TRABD2B: variants seen among roughly 807,000 people sequenced by gnomAD.
The protein encoded by TRABD2B is metalloprotease TIKI2.
A neutral mutation model predicts 40.1 loss-of-function variants in TRABD2B; 14 were observed. The observed-to-expected ratio is 0.35, with a 90% confidence interval of 0.23 to 0.55. The LOEUF (loss-of-function observed/expected upper bound fraction) is 0.55, where lower values mean the gene tolerates loss of function less well. TRABD2B is among the 20% of genes least tolerant of loss of function. The pLI is 0.90. For synonymous variants in TRABD2B, 263 were observed against 277.0 expected (o/e 0.95, Z 0.50); for missense variants, 541 against 648.6 (o/e 0.83, Z 1.80).
chr1:47,908,049 G>A (rs1644702199), intron 2 of TRABD2B, among the ~76,000 whole-genome samples: 1 of 152,228 alleles, frequency 6.6e-6, no homozygotes, highest in Non-Finnish European at 1.5e-5. Context: ...GTGGAAACCT[G>A]GAAATGACCT....
intron 2 of TRABD2B, among the ~76,000 whole-genome samples, chr1:47,873,875 T>C (rs901129345): frequency 6.6e-6 from 1 of 152,190 alleles, no homozygotes; most frequent in South Asian, 2.1e-4. Flanking sequence ...AAGTAGGTGT[T>C]TGCTTTTTTT....
At chr1:47,967,109 C>A (rs1353715965) in intron 2 of TRABD2B, among the ~76,000 whole-genome samples, 4 of 151,958 alleles carry the variant, frequency 2.6e-5, no homozygotes, top group Admixed American at 2.6e-4. Context: ...GCACACAGCT[C>A]CTTGACAGGA....
At chr1:47,924,061 C>G (rs1432838285) in intron 2 of TRABD2B, among the ~76,000 whole-genome samples, 17 of 152,034 alleles carry the variant, frequency 1.1e-4, no homozygotes, top group Admixed American at 1.1e-3. Context: ...ATTCAGCCTT[C>G]AGTATCACTC....
intron 2 of TRABD2B, among the ~76,000 whole-genome samples, chr1:47,903,602 A>T (rs1644633819): frequency 1.3e-5 from 2 of 151,936 alleles, no homozygotes; most frequent in African/African-American, 4.8e-5. Context: ...AAGGCTTGAG[A>T]CCCTGAGAAA....
At chr1:47,787,305 G>A (rs987388593) in intron 4 of TRABD2B, among the ~76,000 whole-genome samples, 4 of 152,116 alleles carry the variant, frequency 2.6e-5, no homozygotes, top group African/African-American at 9.7e-5. Flanking sequence ...GTGTGGAAAC[G>A]CTGAATGTTG....
chr1:47,766,997 G>A (rs1016745407), intron 6 of TRABD2B, among the ~76,000 whole-genome samples: 3 of 152,168 alleles, frequency 2.0e-5, no homozygotes, highest in Admixed American at 6.5e-5. Context: ...TGGAGGCGGG[G>A]GCAGGGGGTA....
intron 2 of TRABD2B, among the ~76,000 whole-genome samples, chr1:47,993,583 C>T (rs1031329434): frequency 6.6e-6 from 1 of 152,086 alleles, no homozygotes; most frequent in South Asian, 2.1e-4. Context: ...CCAGGCAACT[C>T]CTTGTTGGCT....
intron 2 of TRABD2B, among the ~76,000 whole-genome samples, chr1:47,878,527 C>T (rs1245558847): frequency 3.3e-5 from 5 of 152,168 alleles, no homozygotes; most frequent in Admixed American, 6.5e-5. Flanking sequence ...AAGTCTCAGA[C>T]GTCTACGCAT....
chr1:47,942,858 A>T (rs1016159860), intron 2 of TRABD2B, among the ~76,000 whole-genome samples: 3 of 152,306 alleles, frequency 2.0e-5, no homozygotes, highest in Admixed American at 1.3e-4. Flanking sequence ...CTGGGATTTG[A>T]ATGAGGCTGG....
chr1:47,769,684 G>A (rs966128164), intron 6 of TRABD2B, among the ~76,000 whole-genome samples: 8 of 152,252 alleles, frequency 5.3e-5, no homozygotes, highest in African/African-American at 1.9e-4. Flanking sequence ...CACTGCAAGT[G>A]TTCCCAGGCT....
chr1:47,897,594 T>A (rs531083235), intron 2 of TRABD2B, among the ~76,000 whole-genome samples: 52 of 152,168 alleles, frequency 3.4e-4, no homozygotes, highest in Non-Finnish European at 6.0e-4. Flanking sequence ...AAAGGCAAGG[T>A]AGGGCCACCA....
At chr1:47,828,190 G>T (rs1645201663) in intron 2 of TRABD2B, among the ~76,000 whole-genome samples, 1 of 152,118 alleles carries the variant, frequency 6.6e-6, no homozygotes, top group South Asian at 2.1e-4. Flanking sequence ...TTCTCTCTAG[G>T]GCTCCTGGGT....
intron 4 of TRABD2B, among the ~76,000 whole-genome samples, chr1:47,782,304 C>T (rs571676798): frequency 6.6e-6 from 1 of 152,292 alleles, no homozygotes; most frequent in East Asian, 1.9e-4. Context: ...CTGCTGTGAC[C>T]TCCTAAACGT....
chr1:47,920,444 G>A (rs1644887030), intron 2 of TRABD2B, among the ~76,000 whole-genome samples: 1 of 152,220 alleles, frequency 6.6e-6, no homozygotes, highest in South Asian at 2.1e-4. Context: ...ATCCAAAAGA[G>A]TATTTCCCCA....
intron 3 of TRABD2B, among the ~76,000 whole-genome samples, chr1:47,797,689 G>A (rs1001160049): frequency 3.9e-5 from 6 of 152,184 alleles, no homozygotes; most frequent in Non-Finnish European, 7.3e-5. Flanking sequence ...CATGCTGATG[G>A]GCCTTGGCTC....
chr1:47,933,063 T>C (rs556005771), intron 2 of TRABD2B, among the ~76,000 whole-genome samples: 1 of 151,384 alleles, frequency 6.6e-6, no homozygotes, highest in South Asian at 2.1e-4. Flanking sequence ...CAGTCTCCCA[T>C]CTCCTTGGCG....
At position 47,971,289 on chromosome 1, in the gene TRABD2B, C is replaced by T. The variant is rs185247784; in HGVS notation, c.666+22745G>A. Among the ~76,000 whole-genome samples the T allele has an allele frequency of 4.6e-5, 7 of 152,272 alleles. No individual in the cohort carries two copies. In the East Asian group the frequency reaches 1.4e-3, roughly 29 times the overall value. Reference sequence around the variant, plus strand: ...GTTTTGTAAACCAAACAGACATGTCCCTGCTATCCTGGTGGTATGAATGTA... The same window carrying T: ...GTTTTGTAAACCAAACAGACATGTCTCTGCTATCCTGGTGGTATGAATGTA... On this transcript the variant is annotated intron_variant, in intron 2 of 6. Coordinates refer to ENST00000606738, the MANE Select transcript of TRABD2B (RefSeq NM_001194986.2).
chr1:47,880,356 A>G (rs1644284943), intron 2 of TRABD2B, among the ~76,000 whole-genome samples: 1 of 152,226 alleles, frequency 6.6e-6, no homozygotes, highest in African/African-American at 2.4e-5. Context: ...GTAAAAACAG[A>G]AATGAATTGA....
chr1:47,836,583 C>T (rs1009116322), intron 2 of TRABD2B, among the ~76,000 whole-genome samples: 2 of 152,182 alleles, frequency 1.3e-5, no homozygotes, highest in Non-Finnish European at 2.9e-5. Flanking sequence ...GAAATGTTGG[C>T]GATTATTCTT....
Sources: gnomAD v4.1 joint callset for allele counts (sites outside exome capture counted in the v4.1 genomes callset) on GRCh38, gnomAD v4.1.1 for gene constraint, MANE v1.5 for transcripts, NCBI Gene and HGNC (gene_info 2026-07-23, HGNC 2026-07-21) for gene names.